Variants in ADAM2 observed in about 807,000 individuals in gnomAD.
The protein encoded by ADAM2 is disintegrin and metalloproteinase domain-containing protein 2.
A neutral mutation model predicts 99.3 loss-of-function variants in ADAM2; 101 were observed. That is an observed-to-expected ratio of 1.02 (90% CI 0.87 to 1.20). The LOEUF is 1.20. Among genes scored for constraint, ADAM2 ranks in the 50% most tolerant of loss-of-function variants. The pLI is 0.00. For missense variants in ADAM2, 948 were observed against 878.7 expected (o/e 1.08, Z -1.00); for synonymous variants, 323 against 287.6 (o/e 1.12, Z -1.25).
At chr8:39,745,618 G>A (rs2129582512) in intron 19 of ADAM2, among the ~76,000 whole-genome samples, 1 of 151,886 alleles carries the variant, frequency 6.6e-6, no homozygotes, top group Admixed American at 6.6e-5. Context: ...GACTAGCTGT[G>A]GCTATCATCT....
rs1470442392 is a variant in ADAM2 at position 39,780,119 on chromosome 8, A to G, written c.892-2958T>C. Among the ~76,000 whole-genome samples, 3 of 152,174 alleles carry G rather than the reference A, an allele frequency of 2.0e-5. No individual in the cohort carries two copies. In the East Asian group the frequency reaches 5.8e-4, roughly 29 times the overall value. ...CACAGTCATAGTGGAAGAGGAAGGA[A>G]GAGCAAAGGCACATCTTACATGGTG... On this transcript the variant is annotated intron_variant, in intron 10 of 20. Transcript: ENST00000265708.
chr8:39,763,395 A>G (rs1316707124), intron 14 of ADAM2, among the ~76,000 whole-genome samples: 3 of 152,234 alleles, frequency 2.0e-5, no homozygotes, highest in African/African-American at 4.8e-5. Context: ...GTAAAGAAAC[A>G]TAAGGGAAAA....
chr8:39,797,804 T>C (rs1469931449), intron 7 of ADAM2, among the ~76,000 whole-genome samples: 3 of 152,234 alleles, frequency 2.0e-5, no homozygotes, highest in Non-Finnish European at 2.9e-5. Context: ...TTTGTAGCAA[T>C]TGCAAATGGG....
intron 18 of ADAM2, 112 bp from the exon 19 acceptor site, chr8:39,746,743 T>A: frequency 1.2e-6 from 1 of 834,404 alleles, no homozygotes; most frequent in Non-Finnish European, 1.8e-6. Flanking sequence ...TTTAATAATT[T>A]AAAAATTAAC....
intron 3 of ADAM2, among the ~76,000 whole-genome samples, chr8:39,829,139 G>C (rs1323705494): frequency 6.6e-6 from 1 of 151,828 alleles, no homozygotes; most frequent in Non-Finnish European, 1.5e-5. Flanking sequence ...TTTCAACAAA[G>C]ACCTGAATGG....
rs751636703 is a variant in ADAM2 at position 39,838,191 on chromosome 8, G to A, written c.-6C>T. On this transcript the variant is annotated 5_prime_UTR_variant, in exon 1 of 21. Coordinates refer to ENST00000265708, the MANE Select transcript of ADAM2 (RefSeq NM_001464.5). Reference sequence around the variant, plus strand: ...AGAAACAAGACGCGCCACATGGCTTGAAGTCCTGGGTCCCAGCCGGAATAA... The same window carrying A: ...AGAAACAAGACGCGCCACATGGCTTAAAGTCCTGGGTCCCAGCCGGAATAA... The A allele has an allele frequency of 6.2e-7, 1 of 1,614,164 alleles. No homozygotes were observed. The highest frequency in any genetic ancestry group is 1.1e-5 in the South Asian group (1 of 91,082).
At chr8:39,827,886 A>T (rs1296113542) in intron 3 of ADAM2, among the ~76,000 whole-genome samples, 1 of 152,074 alleles carries the variant, frequency 6.6e-6, no homozygotes, top group Non-Finnish European at 1.5e-5. Context: ...AACCTCAAAA[A>T]AGGTAAGTAT....
Position 39,749,429 on chromosome 8 carries a change from A to G in ADAM2, c.1897T>C (p.Cys633Arg), listed in dbSNP as rs1392806128. 6.2e-7 allele frequency: 1 copy of G among 1,613,190 alleles called. No individual in the cohort carries two copies. Among genetic ancestry groups the G allele is most frequent in the Non-Finnish European group, 8.5e-7 (1 of 1,179,398 alleles). The change falls in exon 18 of 21, where the codon TGT (cysteine) becomes CGT (arginine). Residue 633 changes from cysteine to arginine, a missense_variant. Coordinates refer to ENST00000265708, the MANE Select transcript of ADAM2 (RefSeq NM_001464.5). ...DRGVCNNKKH[C>R]HCSASYLPPD... ...GGTAAATATGAAGCACTACAGTGAC[A>G]GTGCTTTTTGTTATTGCATACCTAA... is the stretch of plus-strand genomic sequence containing the variant.
In ADAM2 at chr8:39,805,287, G is replaced by A. The variant is rs535691895; in HGVS notation, c.570+4123C>T. ...CAGCCAAATGCCTAGGCAGATAGGC[G>A]CAGGTCAAGAAAAGTGACTAGGGGA... On this transcript the variant is annotated intron_variant, in intron 7 of 20. Coordinates refer to ENST00000265708, the MANE Select transcript of ADAM2 (RefSeq NM_001464.5). Among the ~76,000 whole-genome samples, 36 of 152,278 alleles carry A rather than the reference G, an allele frequency of 2.4e-4. No individual in the cohort carries two copies. The South Asian group carries it at 6.0e-3, about 25-fold the overall frequency.
intron 6 of ADAM2, among the ~76,000 whole-genome samples, chr8:39,818,909 C>A (rs7816779): frequency 0.35 from 52,986 of 151,746 alleles, 11,587 homozygotes; most frequent in African/African-American, 0.63. Context: ...TATCTAAAAA[C>A]TAAAAGCTAC....
intron 15 of ADAM2, among the ~76,000 whole-genome samples, chr8:39,760,581 C>T (rs1802313538): frequency 1.3e-5 from 2 of 151,836 alleles, no homozygotes; most frequent in African/African-American, 2.4e-5. Context: ...ATTAGACGGG[C>T]GTGGTGGCAG....
At chr8:39,809,730 T>A (rs1804613491) in intron 6 of ADAM2, among the ~76,000 whole-genome samples, 1 of 151,928 alleles carries the variant, frequency 6.6e-6, no homozygotes, top group Non-Finnish European at 1.5e-5. Context: ...TCCAAGCTAT[T>A]CATATTATTC....
chr8:39,834,227 T>A (rs1427531756), intron 2 of ADAM2, among the ~76,000 whole-genome samples: 1 of 152,158 alleles, frequency 6.6e-6, no homozygotes. Flanking sequence ...TTGTTTATTT[T>A]GAAATGTGTA....
intron 9 of ADAM2, among the ~76,000 whole-genome samples, chr8:39,787,340 A>G (rs1803506792): frequency 6.6e-6 from 1 of 151,532 alleles, no homozygotes; most frequent in Non-Finnish European, 1.5e-5. Context: ...AAAATAATAA[A>G]AATAAATAAA....
At chr8:39,826,742 A>C (rs1002235751) in intron 3 of ADAM2, among the ~76,000 whole-genome samples, 6 of 151,862 alleles carry the variant, frequency 4.0e-5, no homozygotes, top group African/African-American at 9.7e-5. Flanking sequence ...ACCAAAAAAA[A>C]CTCAAAATGG....
chr8:39,822,297 T>C (rs748373918), intron 4 of ADAM2, among the ~76,000 whole-genome samples: 1 of 152,166 alleles, frequency 6.6e-6, no homozygotes, highest in Non-Finnish European at 1.5e-5. Context: ...GTTTATAATA[T>C]CCAGATTGAT....
intron 7 of ADAM2, among the ~76,000 whole-genome samples, chr8:39,805,579 A>G (rs1462527950): frequency 6.6e-6 from 1 of 152,198 alleles, no homozygotes; most frequent in African/African-American, 2.4e-5. Flanking sequence ...TATTAATGCT[A>G]TGGTAAAAAA....
intron 7 of ADAM2, among the ~76,000 whole-genome samples, chr8:39,798,085 AG>A (rs1804045063): frequency 6.6e-6 from 1 of 152,250 alleles, no homozygotes; most frequent in Non-Finnish European, 1.5e-5. Flanking sequence ...GTTGAATAGG[AG>A]TAGTAAGACA....
At chr8:39,811,814 C>T (rs1206433650) in intron 6 of ADAM2, among the ~76,000 whole-genome samples, 1 of 152,180 alleles carries the variant, frequency 6.6e-6, no homozygotes, top group East Asian at 1.9e-4. Flanking sequence ...AACCCACAGC[C>T]AATGTCATAC....
Sources: gnomAD v4.1 joint callset for allele counts (sites outside exome capture counted in the v4.1 genomes callset) on GRCh38, gnomAD v4.1.1 for gene constraint, MANE v1.5 for transcripts, NCBI Gene and HGNC (gene_info 2026-07-23, HGNC 2026-07-21) for gene names.